Variants in RNF144B observed in about 807,000 individuals in gnomAD.
The protein encoded by RNF144B is ring finger protein 144B, also known as E3 ubiquitin-protein ligase RNF144B.
RNF144B carries 25 observed loss-of-function variants against 40.2 expected under a neutral mutation model. The ratio of observed to expected loss-of-function variants is 0.62; its 90% CI spans 0.45 to 0.87. The LOEUF is 0.87. RNF144B is among the 40% of genes least tolerant of loss of function. The probability of loss-of-function intolerance (pLI) is 0.00; values close to 1 mark genes in which losing one functional copy is unlikely to be tolerated. For synonymous variants in RNF144B, 145 were observed against 136.3 expected (o/e 1.06, Z -0.44); for missense variants, 365 against 373.7 (o/e 0.98, Z 0.19).
rs1758962787 is a variant in RNF144B, at chr6:18,441,409, C to T, written c.331+1665C>T. ...ATCAACCACGTCAGTCCTACTCAGT[C>T]ACTGGAGCTCAGTCTATTTACAGTA... On this transcript the variant is annotated intron_variant, in intron 4 of 7. Transcript: ENST00000259939. The surrounding 1 kb of genome is among the most constrained non-coding windows in gnomAD (Gnocchi z 4.9). Among the ~76,000 whole-genome samples the T allele has an allele frequency of 6.6e-6, 1 of 152,134 alleles. No individual in the cohort carries two copies. Among genetic ancestry groups the T allele is most frequent in the African/African-American group, 2.4e-5 (1 of 41,434 alleles).
At position 18,434,277 on chromosome 6, in the gene RNF144B, A is replaced by G. The variant is rs1036603491; in HGVS notation, c.271-5407A>G. 2.0e-5 allele frequency among the ~76,000 whole-genome samples: 3 copies of G among 152,132 alleles called. No individual in the cohort carries two copies. The highest frequency in any genetic ancestry group is 7.2e-5 in the African/African-American group (3 of 41,420). On this transcript the variant is annotated intron_variant, in intron 3 of 7. Transcript: ENST00000259939. This position sits in a 1 kb window ranked among gnomAD's most constrained non-coding sequence, Gnocchi z 4.1. Reference sequence around the variant, plus strand: ...TACATTGTATTTATTAACACTTCATATGGGAACACACACCACTTTTGGCAT... The same window carrying G: ...TACATTGTATTTATTAACACTTCATGTGGGAACACACACCACTTTTGGCAT...
At chr6:18,415,482 T>G (rs13214913) in intron 2 of RNF144B, among the ~76,000 whole-genome samples, 27,369 of 152,088 alleles carry the variant, frequency 0.18, 2,716 homozygotes, top group East Asian at 0.26. Context: ...GAGCACTCCC[T>G]TTAACCTTGA....
chr6:18,453,589 A>G (rs192552415), intron 4 of RNF144B, among the ~76,000 whole-genome samples: 10 of 152,326 alleles, frequency 6.6e-5, no homozygotes, highest in Non-Finnish European at 1.2e-4. Context: ...GAAACCTTAT[A>G]GACATGGCAT....
intron 4 of RNF144B, among the ~76,000 whole-genome samples, chr6:18,454,979 ATC>A (rs1759294740): frequency 6.6e-6 from 1 of 152,166 alleles, no homozygotes; most frequent in Admixed American, 6.5e-5. Context: ...CTTTTAAAAG[ATC>A]TCTGATTTAG....
At chr6:18,407,662 A>G (rs147905553) in intron 2 of RNF144B, among the ~76,000 whole-genome samples, 19 of 152,198 alleles carry the variant, frequency 1.2e-4, no homozygotes, top group Non-Finnish European at 2.2e-4. Context: ...CGTTACTTCC[A>G]CTCTCTAAAA....
chr6:18,434,767 G>A lies in RNF144B; in HGVS notation c.271-4917G>A, dbSNP rs532622720. On this transcript the variant is annotated intron_variant, in intron 3 of 7. Coordinates refer to ENST00000259939, the MANE Select transcript of RNF144B (RefSeq NM_182757.4). This position sits in a 1 kb window ranked among gnomAD's most constrained non-coding sequence, Gnocchi z 4.1. The stretch of plus-strand genomic sequence containing the variant: ...CTCCTGAGTAGCTGGGACTACAGGC[G>A]CCTGCTACCACGCCCAGCTAATTTT... Among the ~76,000 whole-genome samples, 3 of 152,132 alleles carry A rather than the reference G, an allele frequency of 2.0e-5. No individual in the cohort carries two copies. The highest frequency in any genetic ancestry group is 6.5e-5 in the Admixed American group (1 of 15,280).
rs780485170 is a variant in RNF144B, at chr6:18,406,073, C to T, written c.165+6374C>T. ...GCTTTATTTATTCAACAAATATTTG[C>T]TGTGTCTTGCATAGTTCTGATGGTT... is the stretch of plus-strand genomic sequence containing the variant. On this transcript the variant is annotated intron_variant, in intron 2 of 7. Coordinates refer to ENST00000259939, the MANE Select transcript of RNF144B (RefSeq NM_182757.4). The surrounding 1 kb of genome is among the most constrained non-coding windows in gnomAD (Gnocchi z 4.2). 10 of 518,708 alleles carry T rather than the reference C, an allele frequency of 1.9e-5. No homozygotes were observed. Among genetic ancestry groups the T allele is most frequent in the African/African-American group, 1.9e-4 (10 of 51,950 alleles). 32.1% of individuals were successfully genotyped at this position (518,708 alleles called of 1,614,324 possible).
At chr6:18,421,124 G>A (rs1758405892) in intron 2 of RNF144B, among the ~76,000 whole-genome samples, 1 of 151,696 alleles carries the variant, frequency 6.6e-6, no homozygotes, top group South Asian at 2.1e-4. Flanking sequence ...ATGGTGGTGC[G>A]CACCTGTGGT....
Position 18,412,863 on chromosome 6 carries a change from C to A in RNF144B, c.165+13164C>A, listed in dbSNP as rs1025206609. Among the ~76,000 whole-genome samples the A allele has an allele frequency of 3.3e-5, 5 of 152,008 alleles. No individual in the cohort carries two copies. Among genetic ancestry groups the A allele is most frequent in the South Asian group, 2.1e-4 (1 of 4,826 alleles). On this transcript the variant is annotated intron_variant, in intron 2 of 7. Coordinates refer to ENST00000259939, the MANE Select transcript of RNF144B (RefSeq NM_182757.4). The surrounding 1 kb of genome is among the most constrained non-coding windows in gnomAD (Gnocchi z 4.2). Reference sequence around the variant, plus strand: ...CATTTCCCACCCACAGTAAGGAGGTCTTTTTGGTTTGACTCTTCTGGAAAA... The same window carrying A: ...CATTTCCCACCCACAGTAAGGAGGTATTTTTGGTTTGACTCTTCTGGAAAA...
rs1019883141 is a variant in RNF144B, at chr6:18,466,617, T to C, written c.*1550T>C. ...GCTTCATGAGACCTATGCTAAATGT[T>C]ACTGGAGAGTTCTTGAAGCCAGGGA... is the stretch of plus-strand genomic sequence containing the variant. On this transcript the variant is annotated 3_prime_UTR_variant, in exon 8 of 8. Transcript: ENST00000259939. The C allele has an allele frequency of 2.0e-5, 3 of 152,774 alleles. No individual in the cohort carries two copies. Among genetic ancestry groups the C allele is most frequent in the African/African-American group, 7.2e-5 (3 of 41,596 alleles). 9.5% of individuals were successfully genotyped at this position (152,774 alleles called of 1,614,324 possible).
rs1453894251 is a variant in RNF144B, at chr6:18,444,932, T to G, written c.331+5188T>G. On this transcript the variant is annotated intron_variant, in intron 4 of 7. Transcript: ENST00000259939. The surrounding 1 kb of genome is among the most constrained non-coding windows in gnomAD (Gnocchi z 4.3). ...TTTCACCTTGCTCTTTTATTTGTCC[T>G]TGGTGAAATGCTTCCACCCCAGCTT... is the stretch of plus-strand genomic sequence containing the variant. Among the ~76,000 whole-genome samples, 1 of 152,228 alleles carries G rather than the reference T, an allele frequency of 6.6e-6. No individual in the cohort carries two copies. The highest frequency in any genetic ancestry group is 1.5e-5 in the Non-Finnish European group (1 of 68,042).
chr6:18,410,347 G>A lies in RNF144B; in HGVS notation c.165+10648G>A, dbSNP rs542134231. ...GCAGTCATCAGACACAACCAGCCCT[G>A]CTGTTATGTGGGCAGTAGACCCTCT... On this transcript the variant is annotated intron_variant, in intron 2 of 7. Coordinates refer to ENST00000259939, the MANE Select transcript of RNF144B (RefSeq NM_182757.4). The surrounding 1 kb of genome is among the most constrained non-coding windows in gnomAD (Gnocchi z 4.6). Among the ~76,000 whole-genome samples, 3 of 152,290 alleles carry A rather than the reference G, an allele frequency of 2.0e-5. No homozygotes were observed. The highest frequency in any genetic ancestry group is 1.9e-4 in the East Asian group (1 of 5,182).
At chr6:18,439,853 A>G (rs760986095) in intron 4 of RNF144B, 109 bp downstream of exon 4, 2 of 676,112 alleles carry the variant, frequency 3.0e-6, no homozygotes, top group Non-Finnish European at 5.3e-6. Flanking sequence ...ACAAAGCCTC[A>G]AGGGTACTCT....
chr6:18,436,897 G>A (rs1758835264), intron 3 of RNF144B, among the ~76,000 whole-genome samples: 1 of 41,822 alleles, frequency 2.4e-5, no homozygotes, highest in Admixed American at 4.7e-4. Context: ...TGTATCATTT[G>A]TTGTTGTGTT....
intron 4 of RNF144B, among the ~76,000 whole-genome samples, chr6:18,454,784 C>T (rs1759291878): frequency 6.6e-6 from 1 of 152,144 alleles, no homozygotes. Context: ...ACCCCAGATA[C>T]CTGAAATAAT....
chr6:18,459,735 G>C lies in RNF144B; in HGVS notation c.665G>C (p.Cys222Ser), dbSNP rs376751680. The C allele has an allele frequency of 2.5e-6, 4 of 1,613,892 alleles. No individual in the cohort carries two copies. Among genetic ancestry groups the C allele is most frequent in the Non-Finnish European group, 3.4e-6 (4 of 1,179,888 alleles). ...TGCAAGCATACATTTTGCTGGTACT[G>C]CCTCCAGAACTTGGATGTAAGTTCC... ...KNCKHTFCWY[C>S]LQNLDNDIFL... The change falls in exon 6 of 8, where the codon TGC becomes TCC. Residue 222 changes from cysteine to serine, a missense_variant. Coordinates refer to ENST00000259939, the MANE Select transcript of RNF144B (RefSeq NM_182757.4). The surrounding 1 kb of genome is among the most constrained non-coding windows in gnomAD (Gnocchi z 4.2).
Position 18,427,186 on chromosome 6 carries a change from C to T in RNF144B, c.166-395C>T, listed in dbSNP as rs114805875. Among the ~76,000 whole-genome samples the T allele has an allele frequency of 6.5e-3, 989 of 152,184 alleles. 11 individuals are homozygous for T. Among genetic ancestry groups the T allele is most frequent in the African/African-American group, 0.02 (826 of 41,510 alleles). On this transcript the variant is annotated intron_variant, in intron 2 of 7. Transcript: ENST00000259939. The stretch of plus-strand genomic sequence containing the variant: ...GGCTAGCTCAGTGCAAGGGTCACAG[C>T]GTTCTGTTCTAGTTTTGGGTAAACT...
rs1758758748 is a variant in RNF144B, at chr6:18,434,029, T to C, written c.271-5655T>C. 1.3e-5 allele frequency among the ~76,000 whole-genome samples: 2 copies of C among 152,170 alleles called. No individual in the cohort carries two copies. Among genetic ancestry groups the C allele is most frequent in the African/African-American group, 4.8e-5 (2 of 41,446 alleles). ...CCACTTACTAGTGGTCAATTCCATC[T>C]CCAGATGTTCTGATATGTTTTATTA... On this transcript the variant is annotated intron_variant, in intron 3 of 7. Transcript: ENST00000259939. The surrounding 1 kb of genome is among the most constrained non-coding windows in gnomAD (Gnocchi z 4.1).
At chr6:18,409,027 T>C (rs1004006937) in intron 2 of RNF144B, among the ~76,000 whole-genome samples, 1 of 150,604 alleles carries the variant, frequency 6.6e-6, no homozygotes, top group African/African-American at 2.4e-5. Flanking sequence ...AGTTAACTAA[T>C]AAAGTGTGAT....
Sources: gnomAD v4.1 joint callset for allele counts (sites outside exome capture counted in the v4.1 genomes callset) on GRCh38, gnomAD v4.1.1 for gene constraint, Gnocchi (gnomAD v3.1) non-coding constraint, MANE v1.5 for transcripts, NCBI Gene and HGNC (gene_info 2026-07-23, HGNC 2026-07-21) for gene names.